Variants in CCBE1 observed in about 807,000 individuals in gnomAD.
CCBE1 encodes collagen and calcium-binding EGF domain-containing protein 1.
Under a neutral mutation model 50.0 loss-of-function variants are expected in CCBE1, and 37 were observed. The observed-to-expected ratio is 0.74, with a 90% confidence interval of 0.57 to 0.97. The LOEUF is 0.97. Ranked by LOEUF, CCBE1 falls within the 50% of genes least tolerant of loss-of-function variation. The probability of loss-of-function intolerance (pLI) is 0.00; values close to 1 mark genes in which losing one functional copy is unlikely to be tolerated. For synonymous variants in CCBE1, 234 were observed against 203.7 expected (o/e 1.15, Z -1.27); for missense variants, 538 against 523.8 (o/e 1.03, Z -0.26).
chr18:59,498,266 T>G (rs1913450515), intron 2 of CCBE1, among the ~76,000 whole-genome samples: 1 of 152,188 alleles, frequency 6.6e-6, no homozygotes, highest in Non-Finnish European at 1.5e-5. Flanking sequence ...ATTTGATAAA[T>G]TATACAATTT....
At chr18:59,685,641 T>C (rs1480955454) in intron 2 of CCBE1, among the ~76,000 whole-genome samples, 1 of 152,208 alleles carries the variant, frequency 6.6e-6, no homozygotes, top group Non-Finnish European at 1.5e-5. Flanking sequence ...GTTTCTGGCA[T>C]GACTTTGGTG....
At position 59,676,197 on chromosome 18, in the gene CCBE1, C is replaced by T. The variant is rs191359384; in HGVS notation, c.212+20432G>A. On this transcript the variant is annotated intron_variant, in intron 2 of 10. Coordinates refer to ENST00000439986, the MANE Select transcript of CCBE1 (RefSeq NM_133459.4). ...TCTATTATAGGAATGATCTTCATCA[C>T]GTTATATACTGTTCTTTTTGCAGGA... 1.3e-4 allele frequency among the ~76,000 whole-genome samples: 20 copies of T among 152,336 alleles called. No individual in the cohort carries two copies. The East Asian group carries it at 2.7e-3, about 21-fold the overall frequency.
chr18:59,655,087 A>AAAC (rs1442603225), intron 2 of CCBE1, among the ~76,000 whole-genome samples: 1 of 147,274 alleles, frequency 6.8e-6, no homozygotes, highest in Non-Finnish European at 1.5e-5. Context: ...GACTATGTCA[A>AAAC]AAAAAAAAAA....
chr18:59,447,195 A>G (rs1480863556), intron 7 of CCBE1, among the ~76,000 whole-genome samples: 1 of 152,200 alleles, frequency 6.6e-6, no homozygotes, highest in Non-Finnish European at 1.5e-5. Flanking sequence ...ATACACACAT[A>G]TATATACACA....
intron 2 of CCBE1, among the ~76,000 whole-genome samples, chr18:59,686,928 A>G (rs977579710): frequency 6.6e-6 from 1 of 152,206 alleles, no homozygotes; most frequent in African/African-American, 2.4e-5. Flanking sequence ...GGCCAGAACT[A>G]CACTCCAGTG....
intron 2 of CCBE1, among the ~76,000 whole-genome samples, chr18:59,593,416 G>A (rs141155618): frequency 3.9e-5 from 6 of 152,328 alleles, no homozygotes; most frequent in Non-Finnish European, 8.8e-5. Context: ...ATAGTAGATT[G>A]TAAGTATTGC....
rs556747984 is a variant in CCBE1 at position 59,602,874 on chromosome 18, T to C, written c.212+93755A>G. On this transcript the variant is annotated intron_variant, in intron 2 of 10. Coordinates refer to ENST00000439986, the MANE Select transcript of CCBE1 (RefSeq NM_133459.4). ...AATGGTTAAGAACTCAGGTGTGAGGTCAGACAGACTTGGGATCAGACTCCA... is the reference window on the plus strand; with the variant it reads ...AATGGTTAAGAACTCAGGTGTGAGGCCAGACAGACTTGGGATCAGACTCCA... Among the ~76,000 whole-genome samples, 5 of 152,324 alleles carry C rather than the reference T, an allele frequency of 3.3e-5. No homozygotes were observed. In the South Asian group the frequency reaches 8.3e-4, roughly 25 times the overall value.
At chr18:59,604,731 T>C (rs935233387) in intron 2 of CCBE1, among the ~76,000 whole-genome samples, 16 of 152,260 alleles carry the variant, frequency 1.1e-4, no homozygotes, top group African/African-American at 3.9e-4. Context: ...ATGGATAATT[T>C]TGAGATACAT....
chr18:59,647,994 C>A (rs930775032), intron 2 of CCBE1, among the ~76,000 whole-genome samples: 1 of 152,104 alleles, frequency 6.6e-6, no homozygotes, highest in African/African-American at 2.4e-5. Flanking sequence ...AGAGAGCTAC[C>A]ATATGTGAAC....
chr18:59,579,934 A>G lies in CCBE1; in HGVS notation c.213-99696T>C, dbSNP rs533471258. Among the ~76,000 whole-genome samples the G allele has an allele frequency of 3.3e-5, 5 of 152,334 alleles. No individual in the cohort carries two copies. In the South Asian group the frequency reaches 1.0e-3, roughly 32 times the overall value. On this transcript the variant is annotated intron_variant, in intron 2 of 10. Coordinates refer to ENST00000439986, the MANE Select transcript of CCBE1 (RefSeq NM_133459.4). ...AAAAAAAGATGCCTCTGGGATCTGA[A>G]GAACAGCATTAAGAATAAATCACCC... is the stretch of plus-strand genomic sequence containing the variant.
At position 59,448,051 on chromosome 18, in the gene CCBE1, T is replaced by C; in HGVS notation, c.707A>G (p.Asp236Gly). ...GTAGGTGTTTGAGGCCAGCACCTTG[T>C]CACCAGTGATATACTTGCCCAGGTC... The part of the protein sequence containing the change: ...AADLGKYITG[D>G]KVLASNTYLP... The change falls in exon 7 of 11, where the codon GAC becomes GGC. Residue 236 changes from aspartate (D) to glycine (G), a missense_variant. Coordinates refer to ENST00000439986, the MANE Select transcript of CCBE1 (RefSeq NM_133459.4). 6.2e-7 allele frequency: 1 copy of C among 1,614,130 alleles called. No individual in the cohort carries two copies. Among genetic ancestry groups the C allele is most frequent in the Non-Finnish European group, 8.5e-7 (1 of 1,180,038 alleles).
intron 2 of CCBE1, among the ~76,000 whole-genome samples, chr18:59,689,961 G>A (rs939436005): frequency 6.6e-6 from 1 of 152,008 alleles, no homozygotes; most frequent in African/African-American, 2.4e-5. Flanking sequence ...CTGGGCTACC[G>A]GCAATTAAGA....
chr18:59,680,464 T>C (rs1194882664), intron 2 of CCBE1, among the ~76,000 whole-genome samples: 3 of 151,902 alleles, frequency 2.0e-5, no homozygotes, highest in Admixed American at 6.6e-5. Flanking sequence ...TTTGGGAGGC[T>C]GAGGCGGGAG....
At chr18:59,509,916 G>A (rs772805205) in intron 2 of CCBE1, among the ~76,000 whole-genome samples, 7 of 152,286 alleles carry the variant, frequency 4.6e-5, no homozygotes, top group Admixed American at 2.6e-4. Flanking sequence ...TGGTCTAAGG[G>A]GAAGGCCAGG....
intron 3 of CCBE1, among the ~76,000 whole-genome samples, 167 bp downstream of exon 3, chr18:59,480,019 A>C (rs17780197): frequency 6.6e-6 from 1 of 152,250 alleles, no homozygotes; most frequent in Admixed American, 6.5e-5. Context: ...CACGCTACAT[A>C]TAACAAAATT....
At chr18:59,676,473 T>C (rs1055525067) in intron 2 of CCBE1, among the ~76,000 whole-genome samples, 3 of 152,340 alleles carry the variant, frequency 2.0e-5, no homozygotes, top group Admixed American at 2.0e-4. Context: ...GCTATCTTCT[T>C]ATATATAACT....
intron 2 of CCBE1, among the ~76,000 whole-genome samples, chr18:59,578,276 C>T (rs11660682): frequency 0.35 from 52,958 of 151,968 alleles, 9,718 homozygotes; most frequent in East Asian, 0.61. Context: ...GTTAGAATGG[C>T]GATCATTAAC....
At chr18:59,627,279 C>T (rs949396467) in intron 2 of CCBE1, among the ~76,000 whole-genome samples, 5 of 152,026 alleles carry the variant, frequency 3.3e-5, no homozygotes, top group Admixed American at 1.3e-4. Flanking sequence ...AATTAGAAGA[C>T]AAAATTTGTG....
chr18:59,451,281 G>T (rs6567087), intron 6 of CCBE1, among the ~76,000 whole-genome samples: 1 of 151,748 alleles, frequency 6.6e-6, no homozygotes, highest in East Asian at 1.9e-4. Flanking sequence ...GGCAGCCACC[G>T]AGGGAGGCCA....
Sources: gnomAD v4.1 joint callset for allele counts (sites outside exome capture counted in the v4.1 genomes callset) on GRCh38, gnomAD v4.1.1 for gene constraint, MANE v1.5 for transcripts, NCBI Gene and HGNC (gene_info 2026-07-23, HGNC 2026-07-21) for gene names.